SPOCK1: variants seen among roughly 807,000 people sequenced by gnomAD.
The protein encoded by SPOCK1 is testican-1.
A neutral mutation model predicts 55.3 loss-of-function variants in SPOCK1; 23 were observed. That is an observed-to-expected ratio of 0.42 (90% confidence interval 0.30 to 0.59). The LOEUF is 0.59. Ranked by LOEUF, SPOCK1 falls within the 20% of genes least tolerant of loss-of-function variation. The pLI is 0.22. For synonymous variants in SPOCK1, 226 were observed against 221.0 expected, an observed-to-expected ratio of 1.02 and a Z score of -0.20; for missense variants, 499 against 552.5, an observed-to-expected ratio of 0.90 and a Z score of 0.97.
At chr5:137,207,821 G>A (rs1431851728) in intron 3 of SPOCK1, among the ~76,000 whole-genome samples, 3 of 152,194 alleles carry the variant, frequency 2.0e-5, no homozygotes, top group Non-Finnish European at 4.4e-5. Context: ...TGGTTCCTGT[G>A]ATTTACTATT....
At chr5:137,027,715 A>G (rs1405516953) in intron 6 of SPOCK1, among the ~76,000 whole-genome samples, 3 of 152,140 alleles carry the variant, frequency 2.0e-5, no homozygotes, top group Non-Finnish European at 4.4e-5. Context: ...TTCTTCCATC[A>G]ACCCCCTTGC....
At chr5:137,022,184 T>C (rs57557260) in intron 6 of SPOCK1, among the ~76,000 whole-genome samples, 15,463 of 152,028 alleles carry the variant, frequency 0.1, 1,159 homozygotes, top group East Asian at 0.23. Flanking sequence ...CCATACCACA[T>C]TGCTAGCTCT....
At chr5:137,410,252 A>C (rs10079724) in intron 2 of SPOCK1, among the ~76,000 whole-genome samples, 3 of 152,006 alleles carry the variant, frequency 2.0e-5, no homozygotes, top group African/African-American at 7.3e-5. Flanking sequence ...CAGCTGATCT[A>C]TTTTCCCTTA....
chr5:137,014,068 G>C (rs1751402560), intron 6 of SPOCK1, among the ~76,000 whole-genome samples: 1 of 152,152 alleles, frequency 6.6e-6, no homozygotes, highest in Non-Finnish European at 1.5e-5. Flanking sequence ...TTGGATCATG[G>C]AGGTGGATCC....
intron 2 of SPOCK1, among the ~76,000 whole-genome samples, chr5:137,414,381 A>C (rs907141393): frequency 1.3e-5 from 2 of 152,202 alleles, no homozygotes; most frequent in African/African-American, 4.8e-5. Context: ...GAAAATGTCA[A>C]CATGTGCTGC....
intron 2 of SPOCK1, among the ~76,000 whole-genome samples, chr5:137,315,566 A>G (rs1331794930): frequency 6.6e-6 from 1 of 152,232 alleles, no homozygotes; most frequent in Non-Finnish European, 1.5e-5. Context: ...ATGCCAGGAC[A>G]TGCCACCAGA....
At chr5:137,155,137 C>G (rs1178523046) in intron 3 of SPOCK1, among the ~76,000 whole-genome samples, 1 of 152,230 alleles carries the variant, frequency 6.6e-6, no homozygotes, top group Admixed American at 6.5e-5. Context: ...TTAGTTTCAA[C>G]TCTTTCCCAC....
intron 6 of SPOCK1, among the ~76,000 whole-genome samples, chr5:137,035,402 A>C (rs1751864815): frequency 6.6e-6 from 1 of 152,220 alleles, no homozygotes; most frequent in African/African-American, 2.4e-5. Flanking sequence ...AGGCAAAGGC[A>C]CAGACACTGT....
chr5:137,262,006 C>T (rs981168611), intron 3 of SPOCK1, among the ~76,000 whole-genome samples: 1 of 152,146 alleles, frequency 6.6e-6, no homozygotes, highest in South Asian at 2.1e-4. Flanking sequence ...CTTCCAAACC[C>T]TCCAGTGCAC....
At chr5:137,133,369 CAA>C (rs576091633) in intron 4 of SPOCK1, among the ~76,000 whole-genome samples, 11 of 120,186 alleles carry the variant, frequency 9.2e-5, no homozygotes, top group Non-Finnish European at 7.0e-5. Flanking sequence ...GACTCCATCT[CAA>C]AAAAAAAAAA....
intron 2 of SPOCK1, among the ~76,000 whole-genome samples, chr5:137,462,099 C>A (rs983739131): frequency 6.6e-6 from 1 of 152,314 alleles, no homozygotes; most frequent in African/African-American, 2.4e-5. Context: ...AAGCCTTAAG[C>A]GAGAGGAAGT....
At chr5:137,268,888 C>A (rs1355705833) in intron 2 of SPOCK1, among the ~76,000 whole-genome samples, 1 of 152,214 alleles carries the variant, frequency 6.6e-6, no homozygotes, top group Non-Finnish European at 1.5e-5. Flanking sequence ...GTGTGTCCAA[C>A]AGGGAAGGGC....
intron 3 of SPOCK1, among the ~76,000 whole-genome samples, chr5:137,152,810 A>C (rs1561628661): frequency 1.3e-5 from 2 of 152,200 alleles, no homozygotes; most frequent in African/African-American, 4.8e-5. Flanking sequence ...CGGACAACCC[A>C]CAAACCCTCA....
At chr5:137,225,074 G>A (rs1269208103) in intron 3 of SPOCK1, among the ~76,000 whole-genome samples, 1 of 152,110 alleles carries the variant, frequency 6.6e-6, no homozygotes, top group Non-Finnish European at 1.5e-5. Context: ...TTGCAGGGCT[G>A]TATATTGAAA....
intron 3 of SPOCK1, among the ~76,000 whole-genome samples, chr5:137,200,726 C>T (rs906493143): frequency 6.6e-6 from 1 of 152,128 alleles, no homozygotes; most frequent in East Asian, 1.9e-4. Context: ...TATACATGTG[C>T]CATGGTGGTT....
intron 3 of SPOCK1, among the ~76,000 whole-genome samples, chr5:137,174,060 C>T (rs1754806599): frequency 6.6e-6 from 1 of 152,222 alleles, no homozygotes; most frequent in Non-Finnish European, 1.5e-5. Flanking sequence ...CTGTGTCTAA[C>T]CTAACCAAGT....
intron 6 of SPOCK1, among the ~76,000 whole-genome samples, chr5:136,995,922 T>C (rs1224198525): frequency 6.6e-6 from 1 of 152,212 alleles, no homozygotes; most frequent in African/African-American, 2.4e-5. Flanking sequence ...TCTCAGTTAC[T>C]GGGCCCTGTT....
intron 3 of SPOCK1, among the ~76,000 whole-genome samples, chr5:137,255,593 G>T (rs1247128585): frequency 6.6e-6 from 1 of 152,206 alleles, no homozygotes; most frequent in Non-Finnish European, 1.5e-5. Flanking sequence ...CATGTATTTG[G>T]TTACAGATTC....
chr5:136,982,593 G>T (rs1750753259), intron 9 of SPOCK1, among the ~76,000 whole-genome samples: 1 of 151,500 alleles, frequency 6.6e-6, no homozygotes, highest in African/African-American at 2.4e-5. Context: ...AAAATCTACA[G>T]TTAATCTATA....
Sources: gnomAD v4.1 joint callset for allele counts (sites outside exome capture counted in the v4.1 genomes callset) on GRCh38, gnomAD v4.1.1 for gene constraint, MANE v1.5 for transcripts, NCBI Gene and HGNC (gene_info 2026-07-23, HGNC 2026-07-21) for gene names.